GATA3: variants seen among roughly 807,000 people sequenced by gnomAD.
GATA3 encodes trans-acting T-cell-specific transcription factor GATA-3.
In GATA3, 6 loss-of-function variants were observed where a neutral mutation model predicts 36.0. The observed-to-expected ratio is 0.17, with a 90% confidence interval of 0.09 to 0.33. The LOEUF (loss-of-function observed/expected upper bound fraction) is 0.33. Among genes scored for constraint, GATA3 ranks in the 10% least tolerant of loss-of-function variants. GATA3 has a pLI of 1.00. For missense variants in GATA3, 514 were observed against 610.1 expected, an observed-to-expected ratio of 0.84 and a Z score of 1.66; for synonymous variants, 326 against 273.0, an observed-to-expected ratio of 1.19 and a Z score of -1.92.
upstream of GATA3, chr10:8,052,732 G>C (rs1191342634): frequency 1.3e-5 from 2 of 152,168 alleles, no homozygotes. Context: ...ATGTTAGACA[G>C]CAACTAAATA....
In GATA3 at chr10:8,056,545, G is replaced by GC. The variant is rs11567889; in HGVS notation, c.241+649_241+650insC. 2.4e-3 allele frequency among the ~76,000 whole-genome samples: 358 copies of GC among 152,240 alleles called. 2 individuals are homozygous for GC. The highest frequency in any genetic ancestry group is 8.1e-3 in the African/African-American group (336 of 41,540). ...GAATTCTGATGCTGAAGGGGTTTGG[G>GC]GGGGAAGACCCCTGTCTTAAGTTTG... On this transcript the variant is annotated intron_variant, in intron 2 of 5. Transcript: ENST00000379328.
Position 8,058,790 on chromosome 10 carries a change from T to A in GATA3, c.727T>A (p.Ser243Thr). 6.2e-7 allele frequency: 1 copy of A among 1,608,366 alleles called. No individual in the cohort carries two copies. Among genetic ancestry groups the A allele is most frequent in the Non-Finnish European group, 8.5e-7 (1 of 1,179,622 alleles). Reference sequence around the variant, plus strand: ...CCCCCCCAGCAGCCTGCTGGGCGGCTCCCCCACCGGCTTCGGATGCAAGTC... The same window carrying A: ...CCCCCCCAGCAGCCTGCTGGGCGGCACCCCCACCGGCTTCGGATGCAAGTC... Reference protein sequence around the residue: ...LFPPSSLLGGSPTGFGCKSRP... With the variant: ...LFPPSSLLGGTPTGFGCKSRP... Residue 243 changes from serine (S) to threonine (T), a missense_variant, in exon 3 of 6, where the codon TCC (serine) becomes ACC (threonine). Around this residue, in one of 3 missense-constraint regions of GATA3, gnomAD observed 381 missense variants for 354.3 expected, o/e 1.08. Transcript: ENST00000379328.
At chr10:8,066,055 A>T (rs957843376) in intron 4 of GATA3, among the ~76,000 whole-genome samples, 3 of 135,692 alleles carry the variant, frequency 2.2e-5, no homozygotes, top group Non-Finnish European at 4.7e-5. Context: ...GTACCATTAT[A>T]GTTGTTTTTT....
chr10:8,058,428 T>G lies in GATA3; in HGVS notation c.365T>G (p.Ile122Ser). The G allele has an allele frequency of 6.2e-7, 1 of 1,612,840 alleles. No homozygotes were observed. Among genetic ancestry groups the G allele is most frequent in the Non-Finnish European group, 8.5e-7 (1 of 1,179,932 alleles). Residue 122 changes from isoleucine (I) to serine (S), a missense_variant, in exon 3 of 6, where the codon ATC becomes AGC. This residue lies in a region of GATA3 where 381 missense variants were observed against 354.3 expected (regional missense o/e 1.08). Transcript: ENST00000379328. ...CTCAGCCCCTTCTCCAAGACGTCCA[T>G]CCACCACGGCTCCCCGGGGCCCCTC... Reference protein sequence around the residue: ...WNLSPFSKTSIHHGSPGPLSV... With the variant: ...WNLSPFSKTSSHHGSPGPLSV...
At chr10:8,064,302 C>CTTT (rs1832798418) in intron 4 of GATA3, among the ~76,000 whole-genome samples, 164 bp downstream of exon 4, 1 of 91,454 alleles carries the variant, frequency 1.1e-5, no homozygotes, top group Non-Finnish European at 2.3e-5. Context: ...TCTTTCTTTT[C>CTTT]TTCTTCTTCT....
intron 5 of GATA3, among the ~76,000 whole-genome samples, chr10:8,073,161 A>T (rs973000563): frequency 5.9e-5 from 9 of 151,796 alleles, no homozygotes; most frequent in African/African-American, 1.7e-4. Flanking sequence ...AAAAAAAAAA[A>T]AAAAAAAAAG....
intron 2 of GATA3, among the ~76,000 whole-genome samples, chr10:8,056,618 G>A (rs1022399042): frequency 1.3e-5 from 2 of 152,048 alleles, no homozygotes; most frequent in Non-Finnish European, 2.9e-5. Flanking sequence ...ATTTTCTTGC[G>A]TCTTTGCTTT....
chr10:8,050,931 G>A, upstream of GATA3: 1 of 469,270 alleles, frequency 2.1e-6, no homozygotes, highest in Non-Finnish European at 4.4e-6. Context: ...GGCGCCCGGG[G>A]CCGCTTCTCC....
chr10:8,055,608 G>A lies in GATA3; in HGVS notation c.-48G>A. ...CCCAGGCGGACCGCCCTCCCTCCCCGCGCGCGGGTTCCGGGCCCGGCGAGA... is the reference window on the plus strand; with the variant it reads ...CCCAGGCGGACCGCCCTCCCTCCCCACGCGCGGGTTCCGGGCCCGGCGAGA... On this transcript the variant is annotated 5_prime_UTR_variant, in exon 2 of 6. Transcript: ENST00000379328. This position sits in a 1 kb window ranked among gnomAD's most constrained non-coding sequence, Gnocchi z 5.4. 6.6e-7 allele frequency: 1 copy of A among 1,521,424 alleles called. No homozygotes were observed. The highest frequency in any genetic ancestry group is 2.5e-5 in the East Asian group (1 of 39,590). 94.2% of individuals were successfully genotyped at this position (1,521,424 alleles called of 1,614,324 possible).
intron 1 of GATA3, among the ~76,000 whole-genome samples, chr10:8,046,647 CAGTGTGTGTGTG>C (rs1407423190): frequency 6.4e-5 from 6 of 93,952 alleles, no homozygotes; most frequent in African/African-American, 2.4e-4. Flanking sequence ...AAATGGCTGG[CAGTGTGTGTGTG>C]TGTGTGTGTG....
At chr10:8,072,255 TC>T (rs1832942340) in intron 5 of GATA3, among the ~76,000 whole-genome samples, 1 of 152,214 alleles carries the variant, frequency 6.6e-6, no homozygotes, top group African/African-American at 2.4e-5. Flanking sequence ...ATTCTTCCTT[TC>T]TTAGCTGTGA....
In GATA3 at chr10:8,058,855, C is replaced by G; in HGVS notation, c.778+14C>G. 2 of 1,600,628 alleles carry G rather than the reference C, an allele frequency of 1.2e-6. No homozygotes were observed. The highest frequency in any genetic ancestry group is 1.7e-6 in the Non-Finnish European group (2 of 1,179,636). ...GGTCCAGCACAGGTAGGAGCCAGCTCTTCCCTGGAGCCTTTTCTCCTCCCT... is the reference window on the plus strand; with the variant it reads ...GGTCCAGCACAGGTAGGAGCCAGCTGTTCCCTGGAGCCTTTTCTCCTCCCT... On this transcript the variant is annotated intron_variant, in intron 3 of 5. Coordinates refer to ENST00000379328, the MANE Select transcript of GATA3 (RefSeq NM_001002295.2).
At chr10:8,051,982 T>C (rs513140), upstream of GATA3, among the ~76,000 whole-genome samples, 116,803 of 151,626 alleles carry the variant, frequency 0.77, 45,122 homozygotes, top group East Asian at 0.95. Flanking sequence ...CCTTTTCCCT[T>C]CCCCGCTGCC....
intron 3 of GATA3, among the ~76,000 whole-genome samples, chr10:8,059,129 C>A (rs1279109779): frequency 2.0e-5 from 3 of 152,204 alleles, no homozygotes; most frequent in African/African-American, 7.2e-5. Context: ...CTGCCTGTCG[C>A]AGGACTTCTG....
intron 3 of GATA3, among the ~76,000 whole-genome samples, 190 bp from the exon 4 acceptor site, chr10:8,063,803 A>T (rs1457754043): frequency 6.6e-6 from 1 of 152,184 alleles, no homozygotes. Flanking sequence ...GGGAACGGTC[A>T]TGCCAGGACA....
upstream of GATA3, among the ~76,000 whole-genome samples, chr10:8,054,312 C>T (rs1282153664): frequency 1.3e-5 from 2 of 152,248 alleles, no homozygotes; most frequent in Non-Finnish European, 2.9e-5. This position sits in a 1 kb window ranked among gnomAD's most constrained non-coding sequence, Gnocchi z 4.2. Flanking sequence ...AAATGAACTT[C>T]ATGAATGGGG....
chr10:8,058,218 G>T, intron 2 of GATA3, 87 bp from the exon 3 acceptor site: 1 of 1,448,018 alleles, frequency 6.9e-7, no homozygotes, highest in Admixed American at 1.7e-5. Flanking sequence ...CCGATGCGAG[G>T]TAGAGATTCC....
At chr10:8,052,395 C>T (rs1418129710), upstream of GATA3, 1 of 152,264 alleles carries the variant, frequency 6.6e-6, no homozygotes, top group Non-Finnish European at 1.5e-5. Flanking sequence ...GGAAGGCCTC[C>T]TCACCAGTCT....
In GATA3 at chr10:8,074,191, C is replaced by T. The variant is rs956843389; in HGVS notation, c.*168C>T. ...TTTGCAAAGGAGCTCACTGTGGTGT[C>T]TGTGTTCCAACCACTGAATCTGGAC... On this transcript the variant is annotated 3_prime_UTR_variant, in exon 6 of 6. Coordinates refer to ENST00000379328, the MANE Select transcript of GATA3 (RefSeq NM_001002295.2). The T allele has an allele frequency of 1.1e-5, 8 of 720,066 alleles. No individual in the cohort carries two copies. The African/African-American group carries it at 1.4e-4, about 13-fold the overall frequency. 44.6% of individuals were successfully genotyped at this position (720,066 alleles called of 1,614,324 possible).
Sources: allele counts gnomAD v4.1 joint callset (sites outside exome capture counted in the v4.1 genomes callset), GRCh38; gene constraint gnomAD v4.1.1; regional missense constraint gnomAD v4.1.1; non-coding constraint Gnocchi (gnomAD v3.1); transcripts MANE v1.5; gene names NCBI Gene and HGNC (gene_info 2026-07-23, HGNC 2026-07-21).